STXBP5L: variants seen among roughly 807,000 people sequenced by gnomAD.
STXBP5L encodes the protein syntaxin-binding protein 5-like.
A neutral mutation model predicts 144.5 loss-of-function variants in STXBP5L; 65 were observed. That is an observed-to-expected ratio of 0.45 (90% CI 0.37 to 0.55). The LOEUF (loss-of-function observed/expected upper bound fraction) is 0.55, where lower values mean the gene tolerates loss of function less well. Among genes scored for constraint, STXBP5L ranks in the 20% least tolerant of loss-of-function variants. The probability of loss-of-function intolerance (pLI) is 0.00; values close to 1 mark genes in which losing one functional copy is unlikely to be tolerated. For missense variants in STXBP5L, 1,298 were observed against 1,405.5 expected (o/e 0.92, Z 1.22); for synonymous variants, 505 against 469.6 (o/e 1.08, Z -0.97).
intron 3 of STXBP5L, among the ~76,000 whole-genome samples, chr3:120,959,896 T>G (rs912867670): frequency 1.3e-5 from 2 of 152,008 alleles, no homozygotes; most frequent in Non-Finnish European, 2.9e-5. Flanking sequence ...AAAGCCAAAA[T>G]TGACAAATGG....
chr3:121,082,192 A>G (rs1051997946), intron 5 of STXBP5L, among the ~76,000 whole-genome samples: 9 of 152,178 alleles, frequency 5.9e-5, no homozygotes, highest in Non-Finnish European at 8.8e-5. Flanking sequence ...TTAAATCTGT[A>G]TATTACTTTG....
intron 9 of STXBP5L, among the ~76,000 whole-genome samples, chr3:121,196,179 TA>T: frequency 6.6e-6 from 1 of 151,984 alleles, no homozygotes; most frequent in South Asian, 2.1e-4. Flanking sequence ...TTTTTTTTTT[TA>T]AGACAGTCTT....
chr3:120,990,809 C>A (rs1942774043), intron 3 of STXBP5L, among the ~76,000 whole-genome samples: 4 of 152,198 alleles, frequency 2.6e-5, no homozygotes, highest in African/African-American at 9.7e-5. Flanking sequence ...CCCTTCCTTA[C>A]ACGTTATACA....
intron 5 of STXBP5L, among the ~76,000 whole-genome samples, chr3:121,105,809 G>A (rs570642466): frequency 7.9e-5 from 12 of 152,130 alleles, no homozygotes; most frequent in East Asian, 1.9e-4. Flanking sequence ...AAAATTCAAC[G>A]TCACATTAAT....
At position 121,205,054 on chromosome 3, in the gene STXBP5L, T is replaced by C. The variant is rs115536589; in HGVS notation, c.878-869T>C. ...AATGTATTTGATAGAATAATTTTAA[T>C]AGTTCATTGTATGCTTTAAATAGCA... On this transcript the variant is annotated intron_variant, in intron 9 of 26. Transcript: ENST00000471454. Among the ~76,000 whole-genome samples the C allele has an allele frequency of 4.1e-3, 630 of 152,352 alleles. 2 individuals are homozygous for C. Among genetic ancestry groups the C allele is most frequent in the African/African-American group, 0.014 (592 of 41,584 alleles).
intron 3 of STXBP5L, among the ~76,000 whole-genome samples, chr3:121,019,869 T>C (rs959346019): frequency 2.6e-5 from 4 of 152,100 alleles, no homozygotes; most frequent in Non-Finnish European, 5.9e-5. Context: ...CAAGGTTCTT[T>C]GACACCCCCA....
chr3:121,369,961 T>A (rs2045981868), intron 20 of STXBP5L, among the ~76,000 whole-genome samples: 1 of 152,182 alleles, frequency 6.6e-6, no homozygotes, highest in Non-Finnish European at 1.5e-5. Context: ...TCATGTCGAA[T>A]TGTAATTCCC....
intron 20 of STXBP5L, among the ~76,000 whole-genome samples, chr3:121,376,258 G>T (rs2046180215): frequency 6.6e-6 from 1 of 152,228 alleles, no homozygotes; most frequent in African/African-American, 2.4e-5. Context: ...GCAGAACTGA[G>T]ATTTGATTCC....
chr3:120,998,543 C>A (rs2108022327), intron 3 of STXBP5L, among the ~76,000 whole-genome samples: 1 of 152,184 alleles, frequency 6.6e-6, no homozygotes, highest in Non-Finnish European at 1.5e-5. Context: ...GCTGACCATT[C>A]CCCAACAGGC....
At chr3:120,923,052 A>G (rs80198817) in intron 2 of STXBP5L, among the ~76,000 whole-genome samples, 18,161 of 151,798 alleles carry the variant, frequency 0.12, 1,317 homozygotes, top group East Asian at 0.18. Flanking sequence ...GAGGTTTTCT[A>G]TCTCTTCTTG....
intron 20 of STXBP5L, among the ~76,000 whole-genome samples, chr3:121,371,623 C>T (rs576462807): frequency 3.9e-5 from 6 of 152,258 alleles, no homozygotes; most frequent in Non-Finnish European, 5.9e-5. Flanking sequence ...ATGTCTGGGG[C>T]GTGGGGGGCA....
chr3:120,975,360 A>G (rs1337108668), intron 3 of STXBP5L, among the ~76,000 whole-genome samples: 2 of 152,168 alleles, frequency 1.3e-5, no homozygotes, highest in African/African-American at 4.8e-5. Flanking sequence ...TTATTGGTGT[A>G]TAAGAATGCT....
intron 19 of STXBP5L, among the ~76,000 whole-genome samples, chr3:121,290,259 GACT>G (rs1386913191): frequency 1.3e-5 from 2 of 152,034 alleles, no homozygotes; most frequent in African/African-American, 4.8e-5. Flanking sequence ...GGTCATTCAA[GACT>G]ACTATCATCA....
At chr3:121,382,685 G>A (rs565588125) in intron 22 of STXBP5L, among the ~76,000 whole-genome samples, 67 of 152,128 alleles carry the variant, frequency 4.4e-4, no homozygotes, top group South Asian at 8.3e-4. Flanking sequence ...AGACAATTTC[G>A]TAATTAGAAA....
intron 5 of STXBP5L, among the ~76,000 whole-genome samples, chr3:121,064,265 C>G (rs2041432818): frequency 6.6e-6 from 1 of 152,194 alleles, no homozygotes; most frequent in East Asian, 1.9e-4. Flanking sequence ...TGAGGCAACG[C>G]CCCACCCTGC....
intron 10 of STXBP5L, among the ~76,000 whole-genome samples, chr3:121,219,654 T>C (rs1412129001): frequency 6.6e-6 from 1 of 152,154 alleles, no homozygotes; most frequent in Non-Finnish European, 1.5e-5. Flanking sequence ...TAGGTGCTCT[T>C]AAGCTAAAGA....
At chr3:121,057,011 A>T (rs1442278501) in intron 5 of STXBP5L, among the ~76,000 whole-genome samples, 13 of 150,912 alleles carry the variant, frequency 8.6e-5, no homozygotes, top group East Asian at 1.9e-4. Flanking sequence ...TTTATTACAC[A>T]CAATATATTG....
At chr3:121,248,517 G>A (rs1427751906) in intron 14 of STXBP5L, among the ~76,000 whole-genome samples, 1 of 152,086 alleles carries the variant, frequency 6.6e-6, no homozygotes, top group Non-Finnish European at 1.5e-5. Context: ...GTTTGTTCAA[G>A]TTCCTCATGG....
chr3:121,123,895 T>C (rs534180301), intron 7 of STXBP5L, among the ~76,000 whole-genome samples: 16 of 151,940 alleles, frequency 1.1e-4, no homozygotes, highest in African/African-American at 3.8e-4. Flanking sequence ...TTTATCAGTC[T>C]TTTCATGTGA....
Sources: gnomAD v4.1 joint callset for allele counts (sites outside exome capture counted in the v4.1 genomes callset) on GRCh38, gnomAD v4.1.1 for gene constraint, MANE v1.5 for transcripts, NCBI Gene and HGNC (gene_info 2026-07-23, HGNC 2026-07-21) for gene names.